Variants in TIAL1 observed in about 807,000 individuals in gnomAD.
TIAL1 encodes the protein TIA1 cytotoxic granule associated RNA binding protein like 1.
Under a neutral mutation model 59.7 loss-of-function variants are expected in TIAL1, and 7 were observed. That is an observed-to-expected ratio of 0.12 (90% CI 0.07 to 0.22). The LOEUF is 0.22. TIAL1 is among the 10% of genes least tolerant of loss of function. The probability of loss-of-function intolerance (pLI) is 1.00; values close to 1 mark genes in which losing one functional copy is unlikely to be tolerated. For synonymous variants in TIAL1, 149 were observed against 146.3 expected (o/e 1.02, Z -0.13); for missense variants, 225 against 462.5 (o/e 0.49, Z 4.71).
At chr10:119,578,871 G>A in intron 6 of TIAL1, 37 bp from the exon 7 acceptor site, 1 of 1,518,182 alleles carries the variant, frequency 6.6e-7, no homozygotes, top group Non-Finnish European at 9.1e-7. Flanking sequence ...ACAAAGAAAA[G>A]AGTGATAAAT....
intron 1 of TIAL1, among the ~76,000 whole-genome samples, chr10:119,592,533 G>A (rs1845936037): frequency 6.6e-6 from 1 of 152,162 alleles, no homozygotes; most frequent in African/African-American, 2.4e-5. Flanking sequence ...TACCAAGGCT[G>A]AAATTATCAG....
chr10:119,593,038 G>C (rs1384936526), intron 1 of TIAL1, among the ~76,000 whole-genome samples: 1 of 152,270 alleles, frequency 6.6e-6, no homozygotes, highest in Non-Finnish European at 1.5e-5. Flanking sequence ...CGAATTCCTA[G>C]CAATTTTGGT....
rs561462121 is a variant in TIAL1, at chr10:119,587,593, C to T, written c.129+559G>A. On this transcript the variant is annotated intron_variant, in intron 2 of 11. Transcript: ENST00000436547. ...TCTTTATTCACCAGTGTATCTCTAG[C>T]ACTTACTGCAGTATCTAGTACATAG... Among the ~76,000 whole-genome samples the T allele has an allele frequency of 5.3e-5, 8 of 151,470 alleles. No individual in the cohort carries two copies. The South Asian group carries it at 1.7e-3, about 32-fold the overall frequency.
chr10:119,595,279 C>T (rs771905181), intron 1 of TIAL1, among the ~76,000 whole-genome samples: 2 of 152,042 alleles, frequency 1.3e-5, no homozygotes, highest in African/African-American at 4.8e-5. Context: ...CATCAGAGAG[C>T]AGAGCCAAGT....
At chr10:119,575,899 T>G in intron 11 of TIAL1, 108 bp from the exon 12 acceptor site, 1 of 1,038,536 alleles carries the variant, frequency 9.6e-7, no homozygotes, top group East Asian at 2.8e-5. Flanking sequence ...AAACCAGAAA[T>G]CAACACACCT....
chr10:119,580,527 G>C (rs1845252934), intron 5 of TIAL1: 20 of 1,015,150 alleles, frequency 2.0e-5, no homozygotes, highest in Non-Finnish European at 2.4e-5. Flanking sequence ...CATCATTTTG[G>C]AGTTTGGGCA....
At chr10:119,592,611 T>C (rs867026905) in intron 1 of TIAL1, among the ~76,000 whole-genome samples, 1 of 152,206 alleles carries the variant, frequency 6.6e-6, no homozygotes, top group Non-Finnish European at 1.5e-5. Flanking sequence ...ACAAGTCCTA[T>C]ACAAGAAGAG....
chr10:119,588,811 T>TACCC (rs1233418839), intron 1 of TIAL1, among the ~76,000 whole-genome samples: 1 of 152,220 alleles, frequency 6.6e-6, no homozygotes, highest in African/African-American at 2.4e-5. Context: ...TGATCTTGTA[T>TACCC]ACCCCAATGG....
intron 2 of TIAL1, among the ~76,000 whole-genome samples, chr10:119,583,830 A>T (rs1262960947): frequency 1.3e-5 from 2 of 152,248 alleles, no homozygotes; most frequent in Non-Finnish European, 2.9e-5. Context: ...AGCCACGTGA[A>T]TGCTGTTCTT....
chr10:119,574,319 C>A lies in TIAL1; in HGVS notation c.*1346G>T, dbSNP rs1312671373. On this transcript the variant is annotated 3_prime_UTR_variant, in exon 12 of 12. Transcript: ENST00000436547. ...CAGGCTTATTATACCATGCACACTG[C>A]CCACAAGGAAAAAAATTAATTGAAA... The A allele has an allele frequency of 6.6e-6, 1 of 151,870 alleles. No individual in the cohort carries two copies. The highest frequency in any genetic ancestry group is 2.4e-5 in the African/African-American group (1 of 41,328). The allele number at this position is 151,870 out of a possible 1,614,324, so 9.4% of individuals were successfully genotyped here. A position where few individuals can be genotyped will look rare whatever the true frequency, so the allele number is the denominator to read the frequency against.
In TIAL1 at chr10:119,579,193, C is replaced by T; in HGVS notation, c.448-359G>A. On this transcript the variant is annotated intron_variant, in intron 6 of 11. Coordinates refer to ENST00000436547, the MANE Select transcript of TIAL1 (RefSeq NM_003252.4). The stretch of plus-strand genomic sequence containing the variant: ...TCTCTACCAAAAATATAAAAATGAG[C>T]TGGGTGTGGTGGCACATGCTTGTAA... 1.3e-5 allele frequency among the ~76,000 whole-genome samples: 2 copies of T among 152,076 alleles called. 1 individual carries two copies. The highest frequency in any genetic ancestry group is 2.9e-5 in the Non-Finnish European group (2 of 68,020).
At chr10:119,593,491 CAT>C in intron 1 of TIAL1, 1 of 985,676 alleles carries the variant, frequency 1.0e-6, no homozygotes, top group Non-Finnish European at 1.2e-6. Context: ...AAGATAGAAC[CAT>C]ATGTCTTAGC....
intron 1 of TIAL1, 59 bp from the exon 2 acceptor site, chr10:119,588,307 T>C: frequency 1.0e-6 from 1 of 976,876 alleles, no homozygotes; most frequent in South Asian, 1.8e-5. Flanking sequence ...CTCTAATGTG[T>C]TATCATCTAA....
chr10:119,578,403 A>G (rs1018922358), intron 7 of TIAL1, among the ~76,000 whole-genome samples: 1 of 152,168 alleles, frequency 6.6e-6, no homozygotes, highest in Non-Finnish European at 1.5e-5. Context: ...TGAAATAATT[A>G]GAGTCTTGCA....
chr10:119,576,043 T>A (rs1387685578), intron 11 of TIAL1, among the ~76,000 whole-genome samples: 3 of 152,162 alleles, frequency 2.0e-5, no homozygotes, highest in Non-Finnish European at 2.9e-5. Flanking sequence ...ACTAATTTTT[T>A]AAAAATTGTG....
At chr10:119,580,915 G>T in intron 5 of TIAL1, 1 of 912,894 alleles carries the variant, frequency 1.1e-6, no homozygotes, top group South Asian at 1.9e-5. Context: ...CAGGTCTCAG[G>T]TATAAATAAA....
At chr10:119,591,393 G>C (rs2134003846) in intron 1 of TIAL1, among the ~76,000 whole-genome samples, 1 of 150,260 alleles carries the variant, frequency 6.7e-6, no homozygotes, top group East Asian at 2.0e-4. Flanking sequence ...GGCAACAAGA[G>C]CGAAACTCCA....
Position 119,575,435 on chromosome 10 carries a change from G to T in TIAL1, c.*230C>A. On this transcript the variant is annotated 3_prime_UTR_variant, in exon 12 of 12. Coordinates refer to ENST00000436547, the MANE Select transcript of TIAL1 (RefSeq NM_003252.4). ...AATTGTCTTTATTGACTTTATTTTA[G>T]TTTTTGTACATAAAGAAAAATCATG... 7.6e-6 allele frequency: 3 copies of T among 393,050 alleles called. No individual in the cohort carries two copies. The highest frequency in any genetic ancestry group is 3.8e-5 in the South Asian group (1 of 26,308). 24.3% of individuals were successfully genotyped at this position (393,050 alleles called of 1,614,324 possible).
intron 2 of TIAL1, among the ~76,000 whole-genome samples, chr10:119,583,762 T>G (rs1845406731): frequency 6.6e-6 from 1 of 152,060 alleles, no homozygotes; most frequent in African/African-American, 2.4e-5. Flanking sequence ...GGAAAAAAAG[T>G]GGGATCGTTA....
Sources: gnomAD v4.1 joint callset for allele counts (sites outside exome capture counted in the v4.1 genomes callset) on GRCh38, gnomAD v4.1.1 for gene constraint, MANE v1.5 for transcripts, NCBI Gene and HGNC (gene_info 2026-07-23, HGNC 2026-07-21) for gene names.